SCFD2: variants seen among roughly 807,000 people sequenced by gnomAD.
SCFD2 encodes sec1 family domain containing 2.
A neutral mutation model predicts 58.9 loss-of-function variants in SCFD2; 54 were observed. The observed-to-expected ratio is 0.92, with a 90% CI of 0.74 to 1.15. The LOEUF (loss-of-function observed/expected upper bound fraction) is 1.15, where lower values mean the gene tolerates loss of function less well. Among genes scored for constraint, SCFD2 ranks in the 50% most tolerant of loss-of-function variants. SCFD2 has a pLI of 0.00. For synonymous variants in SCFD2, 321 were observed against 335.9 expected (o/e 0.96, Z 0.49); for missense variants, 805 against 836.6 (o/e 0.96, Z 0.47).
intron 5 of SCFD2, among the ~76,000 whole-genome samples, chr4:52,975,219 T>G (rs1447803737): frequency 6.6e-6 from 1 of 152,180 alleles, no homozygotes; most frequent in East Asian, 1.9e-4. Flanking sequence ...AAACTACCAC[T>G]AGAGTGAACA....
At chr4:52,882,116 T>G (rs1718628677) in intron 8 of SCFD2, among the ~76,000 whole-genome samples, 1 of 152,076 alleles carries the variant, frequency 6.6e-6, no homozygotes, top group African/African-American at 2.4e-5. Flanking sequence ...GGAGAAAAAC[T>G]GGGGTTGAGG....
At chr4:53,295,838 T>C (rs1732010842) in intron 3 of SCFD2, among the ~76,000 whole-genome samples, 1 of 152,262 alleles carries the variant, frequency 6.6e-6, no homozygotes. Flanking sequence ...TGAGAGTTTT[T>C]AGCATGAAGC....
At chr4:53,355,506 C>A (rs562680068) in intron 1 of SCFD2, among the ~76,000 whole-genome samples, 18 of 152,262 alleles carry the variant, frequency 1.2e-4, no homozygotes, top group African/African-American at 4.3e-4. Context: ...TAACTAAGCT[C>A]TCGTAATCTC....
chr4:53,213,044 T>C (rs545048063), intron 4 of SCFD2, among the ~76,000 whole-genome samples: 1 of 152,204 alleles, frequency 6.6e-6, no homozygotes, highest in Non-Finnish European at 1.5e-5. Context: ...ACTACTGTAA[T>C]AATGATAAAT....
Position 53,245,013 on chromosome 4 carries a change from T to C in SCFD2, c.1311+28813A>G, listed in dbSNP as rs138845268. Among the ~76,000 whole-genome samples the C allele has an allele frequency of 5.8e-3, 884 of 151,408 alleles. 10 individuals are homozygous for C. Among genetic ancestry groups the C allele is most frequent in the Non-Finnish European group, 7.4e-3 (501 of 67,740 alleles). Reference sequence around the variant, plus strand: ...CACAAACCAGAAAATCTAAAAGAAATAGAAAAACTCCTGGACACATACACC... The same window carrying C: ...CACAAACCAGAAAATCTAAAAGAAACAGAAAAACTCCTGGACACATACACC... On this transcript the variant is annotated intron_variant, in intron 4 of 8. Coordinates refer to ENST00000401642, the MANE Select transcript of SCFD2 (RefSeq NM_152540.4).
At chr4:53,136,005 G>A (rs1725925688) in intron 5 of SCFD2, among the ~76,000 whole-genome samples, 1 of 152,052 alleles carries the variant, frequency 6.6e-6, no homozygotes. Flanking sequence ...ATTGAAAAAT[G>A]GGAAAAAATT....
intron 3 of SCFD2, among the ~76,000 whole-genome samples, chr4:53,298,908 CAA>C (rs1732157828): frequency 6.6e-6 from 1 of 152,128 alleles, no homozygotes; most frequent in African/African-American, 2.4e-5. Flanking sequence ...GGAAAACTAA[CAA>C]AGAGAAAGGA....
chr4:53,030,183 T>G lies in SCFD2; in HGVS notation c.1562-109313A>C, dbSNP rs1368927631. ...AAAATATTTGAACTGATACTTTACC[T>G]AAGAAGATATATGAATGGCAAATAA... is the stretch of plus-strand genomic sequence containing the variant. On this transcript the variant is annotated intron_variant, in intron 5 of 8. Transcript: ENST00000401642. Among the ~76,000 whole-genome samples, 14 of 152,232 alleles carry G rather than the reference T, an allele frequency of 9.2e-5. No homozygotes were observed. In the East Asian group the frequency reaches 2.7e-3, roughly 29 times the overall value.
intron 4 of SCFD2, among the ~76,000 whole-genome samples, chr4:53,238,138 T>A (rs1279751739): frequency 1.2e-5 from 1 of 83,234 alleles, no homozygotes; most frequent in Admixed American, 1.4e-4. Context: ...CGGGCAGAGG[T>A]GCCCCTCACC....
intron 5 of SCFD2, among the ~76,000 whole-genome samples, chr4:53,051,091 C>T (rs1723180486): frequency 1.3e-5 from 2 of 152,282 alleles, no homozygotes; most frequent in Non-Finnish European, 1.5e-5. Context: ...TCCATGAGGG[C>T]AGAGACCACA....
intron 3 of SCFD2, among the ~76,000 whole-genome samples, chr4:53,280,425 A>C (rs1349380138): frequency 6.6e-6 from 1 of 152,130 alleles, no homozygotes; most frequent in South Asian, 2.1e-4. Flanking sequence ...CTGAGACACG[A>C]GAATTACCTG....
intron 4 of SCFD2, among the ~76,000 whole-genome samples, chr4:53,220,641 G>A (rs1001769630): frequency 6.6e-6 from 1 of 152,132 alleles, no homozygotes; most frequent in African/African-American, 2.4e-5. Context: ...GAGTTTTATA[G>A]CATTAGATAC....
intron 5 of SCFD2, among the ~76,000 whole-genome samples, chr4:53,084,871 T>C (rs1234953727): frequency 2.0e-5 from 3 of 152,298 alleles, no homozygotes; most frequent in African/African-American, 4.8e-5. Flanking sequence ...AAAAACTGTA[T>C]AGAAGGAACA....
chr4:53,212,193 C>T (rs1026743509), intron 4 of SCFD2, among the ~76,000 whole-genome samples: 3 of 152,020 alleles, frequency 2.0e-5, no homozygotes, highest in African/African-American at 7.3e-5. Flanking sequence ...GTTGGGAAAG[C>T]ATTCTCCACC....
chr4:53,254,812 TTTATTTTA>T, intron 4 of SCFD2, among the ~76,000 whole-genome samples: 1 of 37,390 alleles, frequency 2.7e-5, no homozygotes, highest in South Asian at 1.1e-3. Flanking sequence ...ATTTTTTTAT[TTTATTTTA>T]TTTTATTTTA....
chr4:53,025,140 G>A (rs1458867995), intron 5 of SCFD2, among the ~76,000 whole-genome samples: 1 of 152,136 alleles, frequency 6.6e-6, no homozygotes, highest in African/African-American at 2.4e-5. Context: ...AAGAAATAGA[G>A]GGGAAGGTGG....
chr4:53,024,923 C>CCTAGAATTCTAA lies in SCFD2; in HGVS notation c.1562-104054_1562-104053insTTAGAATTCTAG, dbSNP rs1722436399. ...CACAGCTTCTAAACCCCTCTTGACTCCCCCTAGAATATTAGCTTAGGCTCT... is the reference window on the plus strand; with the variant it reads ...CACAGCTTCTAAACCCCTCTTGACTCCTAGAATTCTAACCCCTAGAATATTAGCTTAGGCTCT... On this transcript the variant is annotated intron_variant, in intron 5 of 8. Coordinates refer to ENST00000401642, the MANE Select transcript of SCFD2 (RefSeq NM_152540.4). 2.6e-5 allele frequency among the ~76,000 whole-genome samples: 4 copies of CCTAGAATTCTAA among 152,228 alleles called. No homozygotes were observed. The South Asian group carries it at 8.3e-4, about 32-fold the overall frequency.
chr4:53,280,736 T>A (rs1731483273), intron 3 of SCFD2, among the ~76,000 whole-genome samples: 1 of 152,172 alleles, frequency 6.6e-6, no homozygotes, highest in South Asian at 2.1e-4. Flanking sequence ...CAGCATTTCA[T>A]TTTTCTCCTT....
intron 4 of SCFD2, among the ~76,000 whole-genome samples, chr4:53,228,549 A>T (rs538405951): frequency 6.6e-6 from 1 of 152,116 alleles, no homozygotes; most frequent in Non-Finnish European, 1.5e-5. Context: ...GAAATAAGAT[A>T]TGCTTTGACA....
Sources: gnomAD v4.1 joint callset for allele counts (sites outside exome capture counted in the v4.1 genomes callset) on GRCh38, gnomAD v4.1.1 for gene constraint, MANE v1.5 for transcripts, NCBI Gene and HGNC (gene_info 2026-07-23, HGNC 2026-07-21) for gene names.